Variants in FUT8 observed in about 807,000 individuals in gnomAD.
The protein encoded by FUT8 is alpha-(1,6)-fucosyltransferase.
A neutral mutation model predicts 71.3 loss-of-function variants in FUT8; 29 were observed. The ratio of observed to expected loss-of-function variants is 0.41; its 90% CI spans 0.30 to 0.55. The LOEUF is 0.55. Ranked by LOEUF, FUT8 falls within the 20% of genes least tolerant of loss-of-function variation. The pLI, the probability that FUT8 is intolerant of heterozygous loss-of-function variation, is 0.34. For synonymous variants in FUT8, 254 were observed against 239.3 expected (o/e 1.06, Z -0.57); for missense variants, 544 against 702.1 (o/e 0.77, Z 2.55).
chr14:65,434,598 ATACT>A (rs1345060437), intron 1 of FUT8, among the ~76,000 whole-genome samples: 4 of 152,354 alleles, frequency 2.6e-5, no homozygotes, highest in East Asian at 1.9e-4. Context: ...TGAAAGAGAA[ATACT>A]TACATAGGAG....
chr14:65,555,356 G>T (rs1387294053), intron 2 of FUT8, among the ~76,000 whole-genome samples: 1 of 152,094 alleles, frequency 6.6e-6, no homozygotes, highest in Non-Finnish European at 1.5e-5. Flanking sequence ...CCTAATCTTT[G>T]AGATGTGTTC....
chr14:65,635,930 T>A (rs559767809), intron 6 of FUT8, among the ~76,000 whole-genome samples: 1 of 152,288 alleles, frequency 6.6e-6, no homozygotes, highest in South Asian at 2.1e-4. Context: ...TTCCTTTAAA[T>A]GTCTGGTAGA....
intron 6 of FUT8, 45 bp downstream of exon 6, chr14:65,629,651 G>A (rs758391727): frequency 8.3e-6 from 11 of 1,319,938 alleles, no homozygotes; most frequent in Non-Finnish European, 1.2e-5. Context: ...AAAAAAGAAG[G>A]ATCATAATAT....
intron 3 of FUT8, among the ~76,000 whole-genome samples, chr14:65,577,476 A>G (rs1241710302): frequency 6.6e-6 from 1 of 152,202 alleles, no homozygotes; most frequent in African/African-American, 2.4e-5. Context: ...CTATTTTGCA[A>G]TAAGTTTAAA....
At chr14:65,481,026 T>TA (rs1244059774) in intron 2 of FUT8, among the ~76,000 whole-genome samples, 1 of 152,172 alleles carries the variant, frequency 6.6e-6, no homozygotes, top group Non-Finnish European at 1.5e-5. Flanking sequence ...GGAGACATCA[T>TA]ACTGTTTTCC....
intron 3 of FUT8, among the ~76,000 whole-genome samples, chr14:65,588,560 G>A (rs1339249444): frequency 6.6e-6 from 1 of 152,132 alleles, no homozygotes; most frequent in Non-Finnish European, 1.5e-5. Context: ...GTGTGCTTAA[G>A]TACTTGGCAT....
intron 7 of FUT8, among the ~76,000 whole-genome samples, chr14:65,690,557 T>A (rs1262853319): frequency 6.6e-6 from 1 of 152,180 alleles, no homozygotes; most frequent in Non-Finnish European, 1.5e-5. Context: ...GGTTTCTTTC[T>A]TCAGTTTTAT....
chr14:65,577,639 A>C (rs1439966837), intron 3 of FUT8, among the ~76,000 whole-genome samples: 1 of 152,200 alleles, frequency 6.6e-6, no homozygotes, highest in Admixed American at 6.5e-5. Flanking sequence ...ATGTAAAATA[A>C]TTAACACAAT....
At chr14:65,444,506 C>T (rs774454801) in intron 1 of FUT8, among the ~76,000 whole-genome samples, 2 of 151,996 alleles carry the variant, frequency 1.3e-5, no homozygotes, top group Non-Finnish European at 2.9e-5. Context: ...TCATAATTGC[C>T]CAAAACTGGA....
chr14:65,404,695 G>A, the FUT8 span, among the ~76,000 whole-genome samples: 1 of 151,940 alleles, frequency 6.6e-6, no homozygotes, highest in Non-Finnish European at 1.5e-5. Flanking sequence ...AGATGGTCTC[G>A]ATCTCTTGAC....
rs1888966230 is a variant in FUT8 at position 65,611,278 on chromosome 14, CACACACACACACACACACACA to C, written c.204-4699_204-4679del. Among the ~76,000 whole-genome samples the C allele has an allele frequency of 3.7e-4, 17 of 45,706 alleles. 1 individual carries two copies. Among genetic ancestry groups the C allele is most frequent in the Admixed American group, 1.2e-3 (5 of 4,022 alleles). The allele number at this position is 45,706 out of a possible 152,430, so 30.0% of individuals were successfully genotyped here. ...ACACACACACACACACACACACACA[CACACACACACACACACACACA>C]CACCCCCCAAGTAATAGCCTTGATT... On this transcript the variant is annotated intron_variant, in intron 3 of 10. Coordinates refer to ENST00000673929, the MANE Select transcript of FUT8 (RefSeq NM_001371533.1).
At chr14:65,419,855 AC>A (rs2139377134) in intron 1 of FUT8, among the ~76,000 whole-genome samples, 1 of 152,232 alleles carries the variant, frequency 6.6e-6, no homozygotes, top group East Asian at 1.9e-4. Flanking sequence ...TGTACTGATA[AC>A]CCTGATTGCT....
chr14:65,696,297 A>T (rs1893993935), intron 7 of FUT8, among the ~76,000 whole-genome samples: 1 of 152,166 alleles, frequency 6.6e-6, no homozygotes, highest in South Asian at 2.1e-4. Flanking sequence ...ATCCTTCAAA[A>T]GTGAAGGAGA....
chr14:65,573,734 C>CT (rs1361008624), intron 3 of FUT8, among the ~76,000 whole-genome samples: 3 of 127,956 alleles, frequency 2.3e-5, no homozygotes, highest in Non-Finnish European at 5.0e-5. Flanking sequence ...ACCCCCATGT[C>CT]TAAAAAAAAA....
intron 2 of FUT8, among the ~76,000 whole-genome samples, chr14:65,463,046 ATGT>A (rs545481948): frequency 6.6e-6 from 1 of 152,204 alleles, no homozygotes; most frequent in Non-Finnish European, 1.5e-5. Context: ...CTCTCACTAC[ATGT>A]TGTAACAATG....
chr14:65,618,275 TGTGACCATATGTACAAA>T (rs1889412902), intron 5 of FUT8, among the ~76,000 whole-genome samples: 1 of 151,872 alleles, frequency 6.6e-6, no homozygotes, highest in Non-Finnish European at 1.5e-5. Flanking sequence ...GCATATGTTT[TGTGACCATATGTACAAA>T]TGAAAAGTGA....
At chr14:65,392,157 C>A in the FUT8 span, among the ~76,000 whole-genome samples, 860 of 152,242 alleles carry the variant, frequency 5.6e-3, 68 homozygotes, top group South Asian at 0.16. Flanking sequence ...GTCTCAAACT[C>A]CCGACCTCAG....
At chr14:65,585,989 A>G (rs768941058) in intron 3 of FUT8, among the ~76,000 whole-genome samples, 2 of 152,254 alleles carry the variant, frequency 1.3e-5, no homozygotes, top group Non-Finnish European at 2.9e-5. Flanking sequence ...ATTAAAACAT[A>G]GAGAAGGAAA....
At chr14:65,502,333 T>C (rs1266418441) in intron 2 of FUT8, among the ~76,000 whole-genome samples, 1 of 152,090 alleles carries the variant, frequency 6.6e-6, no homozygotes, top group Non-Finnish European at 1.5e-5. Context: ...CAAGTGATTC[T>C]CCTGCCTCAG....
Sources: gnomAD v4.1 joint callset for allele counts (sites outside exome capture counted in the v4.1 genomes callset) on GRCh38, gnomAD v4.1.1 for gene constraint, MANE v1.5 for transcripts, NCBI Gene and HGNC (gene_info 2026-07-23, HGNC 2026-07-21) for gene names.